Variants in CSMD1 observed in about 807,000 individuals in gnomAD.
CSMD1 encodes CUB and Sushi multiple domains 1.
CSMD1 carries 213 observed loss-of-function variants against 417.5 expected under a neutral mutation model. The observed-to-expected ratio is 0.51, with a 90% confidence interval of 0.46 to 0.57. CSMD1 has a LOEUF of 0.57. CSMD1 is among the 20% of genes least tolerant of loss of function. The pLI is 0.00. For synonymous variants in CSMD1, 2,862 were observed against 1,736.8 expected (o/e 1.65, Z -16.11); for missense variants, 6,923 against 4,529.7 (o/e 1.53, Z -15.17).
intron 3 of CSMD1, among the ~76,000 whole-genome samples, chr8:4,413,147 C>T (rs1796740589): frequency 6.6e-6 from 1 of 152,172 alleles, no homozygotes; most frequent in Non-Finnish European, 1.5e-5. Context: ...GACAGTCTCA[C>T]AGTGGACCAG....
At chr8:4,215,743 T>G (rs1714717) in intron 3 of CSMD1, among the ~76,000 whole-genome samples, 46,877 of 152,092 alleles carry the variant, frequency 0.31, 8,953 homozygotes, top group Non-Finnish European at 0.42. Context: ...TGAGTAATAC[T>G]TCCTGTCACT....
intron 1 of CSMD1, among the ~76,000 whole-genome samples, chr8:4,836,871 T>C (rs1053732782): frequency 6.6e-6 from 1 of 152,014 alleles, no homozygotes; most frequent in Non-Finnish European, 1.5e-5. Flanking sequence ...AGCCCAAAGC[T>C]TAGAGCCACC....
At chr8:4,626,899 T>G (rs187900036) in intron 2 of CSMD1, among the ~76,000 whole-genome samples, 1 of 152,178 alleles carries the variant, frequency 6.6e-6, no homozygotes, top group South Asian at 2.1e-4. Flanking sequence ...TTTTCGATTC[T>G]TTATTATTTT....
At chr8:3,783,785 G>C (rs923713113) in intron 5 of CSMD1, among the ~76,000 whole-genome samples, 3 of 152,164 alleles carry the variant, frequency 2.0e-5, no homozygotes, top group African/African-American at 4.8e-5. Context: ...AGTCGCATAG[G>C]AGACACTGAG....
intron 6 of CSMD1, among the ~76,000 whole-genome samples, chr8:3,725,354 A>G (rs2129045820): frequency 6.6e-6 from 1 of 152,298 alleles, no homozygotes; most frequent in African/African-American, 2.4e-5. Flanking sequence ...TGGACAGGGA[A>G]ACAATGACAA....
chr8:2,974,773 C>T (rs545751398), intron 55 of CSMD1, 149 bp from the exon 56 acceptor site: 107 of 496,686 alleles, frequency 2.2e-4, no homozygotes, highest in African/African-American at 1.7e-3. Context: ...GTGAGAAATA[C>T]CAATTTTCAG....
chr8:4,993,657 C>G (rs1480824744), intron 1 of CSMD1, among the ~76,000 whole-genome samples: 1 of 152,190 alleles, frequency 6.6e-6, no homozygotes, highest in Non-Finnish European at 1.5e-5. Context: ...GAAGCCGGTC[C>G]AGAACTCCTA....
intron 1 of CSMD1, among the ~76,000 whole-genome samples, chr8:4,650,332 G>A (rs1166761197): frequency 2.5e-5 from 3 of 119,642 alleles, no homozygotes; most frequent in African/African-American, 3.3e-5. Flanking sequence ...GCAGCAGTAC[G>A]AGACTCCGTC....
At chr8:4,761,462 T>C (rs1812039639) in intron 1 of CSMD1, among the ~76,000 whole-genome samples, 1 of 152,144 alleles carries the variant, frequency 6.6e-6, no homozygotes, top group Admixed American at 6.6e-5. Flanking sequence ...CCTGTTTCCT[T>C]TATAATTTCT....
intron 9 of CSMD1, among the ~76,000 whole-genome samples, chr8:3,585,242 C>T (rs1310119954): frequency 1.3e-5 from 2 of 152,178 alleles, no homozygotes; most frequent in Non-Finnish European, 2.9e-5. Flanking sequence ...GCTGCAATGA[C>T]ACTATGCTTG....
At chr8:4,551,544 C>G (rs1197644631) in intron 2 of CSMD1, among the ~76,000 whole-genome samples, 1 of 152,194 alleles carries the variant, frequency 6.6e-6, no homozygotes, top group Non-Finnish European at 1.5e-5. Context: ...ATGGTCTTCC[C>G]TGGCTGACTC....
intron 1 of CSMD1, among the ~76,000 whole-genome samples, chr8:4,763,586 C>G (rs1436153907): frequency 6.6e-6 from 1 of 152,140 alleles, no homozygotes; most frequent in Non-Finnish European, 1.5e-5. Context: ...TGCGTATTTT[C>G]TGAATGACTT....
In CSMD1 at chr8:3,985,018, G is replaced by A. The variant is rs79803990; in HGVS notation, c.818+12885C>T. ...CTGGGAAAATCACGGATCTCATAAG[G>A]TGGCTCTGACCACATTTTGATTACT... On this transcript the variant is annotated intron_variant, in intron 5 of 69. Transcript: ENST00000635120. Among the ~76,000 whole-genome samples the A allele has an allele frequency of 3.1e-3, 464 of 152,116 alleles. 16 individuals are homozygous for A. In the East Asian group the frequency reaches 0.071, roughly 23 times the overall value.
chr8:3,560,712 A>G (rs912039994), intron 10 of CSMD1, among the ~76,000 whole-genome samples: 9 of 152,196 alleles, frequency 5.9e-5, no homozygotes, highest in African/African-American at 2.2e-4. Flanking sequence ...ACTTTTTGAC[A>G]TAAATTAGTG....
At chr8:4,555,228 G>C in intron 2 of CSMD1, among the ~76,000 whole-genome samples, 1 of 152,176 alleles carries the variant, frequency 6.6e-6, no homozygotes, top group Non-Finnish European at 1.5e-5. Context: ...ACCAGCTTAC[G>C]GGTTATTGCA....
chr8:4,824,817 G>T (rs572644171), intron 1 of CSMD1, among the ~76,000 whole-genome samples: 2 of 152,106 alleles, frequency 1.3e-5, no homozygotes, highest in Admixed American at 6.6e-5. Context: ...AAATGACCAG[G>T]TATATAGCCT....
Position 3,050,095 on chromosome 8 carries a change from C to T in CSMD1, c.7660+2367G>A, listed in dbSNP as rs535936345. On this transcript the variant is annotated intron_variant, in intron 50 of 69. Transcript: ENST00000635120. ...ATACTTGACATTTTATGCATAACAC[C>T]TAGAGAACTTAAAAAAAAAAAAAAA... 6.1e-5 allele frequency among the ~76,000 whole-genome samples: 9 copies of T among 146,778 alleles called. No individual in the cohort carries two copies. The East Asian group carries it at 1.9e-3, about 30-fold the overall frequency.
At chr8:3,984,694 G>C (rs1404847402) in intron 5 of CSMD1, among the ~76,000 whole-genome samples, 11 of 127,936 alleles carry the variant, frequency 8.6e-5, no homozygotes, top group African/African-American at 2.6e-4. Flanking sequence ...TCAGGATTCA[G>C]TGTATATATC....
At chr8:4,970,641 A>G (rs1221782786) in intron 1 of CSMD1, among the ~76,000 whole-genome samples, 1 of 152,126 alleles carries the variant, frequency 6.6e-6, no homozygotes, top group Non-Finnish European at 1.5e-5. Flanking sequence ...TGTGACTTAA[A>G]CACATCATAA....
Sources: allele counts gnomAD v4.1 joint callset (sites outside exome capture counted in the v4.1 genomes callset), GRCh38; gene constraint gnomAD v4.1.1; transcripts MANE v1.5; gene names NCBI Gene and HGNC (gene_info 2026-07-23, HGNC 2026-07-21).